LSM14A: variants seen among roughly 807,000 people sequenced by gnomAD.
LSM14A encodes protein LSM14 homolog A.
LSM14A carries 14 observed loss-of-function variants against 52.4 expected under a neutral mutation model. The ratio of observed to expected loss-of-function variants is 0.27; its 90% CI spans 0.18 to 0.42. The LOEUF is 0.42. LSM14A is among the 10% of genes least tolerant of loss of function. The pLI, the probability that LSM14A is intolerant of heterozygous loss-of-function variation, is 1.00. For missense variants in LSM14A, 417 were observed against 581.8 expected (o/e 0.72, Z 2.91); for synonymous variants, 185 against 200.3 (o/e 0.92, Z 0.64).
chr19:34,220,188 G>A (rs73595740), intron 8 of LSM14A, among the ~76,000 whole-genome samples: 4,917 of 152,034 alleles, frequency 0.032, 238 homozygotes, highest in African/African-American at 0.11. Context: ...CAGGCTAATC[G>A]TGAACTCCTG....
chr19:34,196,766 A>G lies in LSM14A; in HGVS notation c.415+3A>G. ...GCAGTTTGGTGCTGTTGGTGTTGGTATGTTTTCTTTTTCTTTTCTTTTTTT... is the reference window on the plus strand; with the variant it reads ...GCAGTTTGGTGCTGTTGGTGTTGGTGTGTTTTCTTTTTCTTTTCTTTTTTT... On this transcript the variant is annotated splice_donor_region_variant and intron_variant, in intron 3 of 9. Coordinates refer to ENST00000544216, the MANE Select transcript of LSM14A (RefSeq NM_015578.4). 1.3e-6 allele frequency: 2 copies of G among 1,592,056 alleles called. No homozygotes were observed. The highest frequency in any genetic ancestry group is 1.7e-6 in the Non-Finnish European group (2 of 1,174,518).
intron 4 of LSM14A, among the ~76,000 whole-genome samples, chr19:34,214,166 GT>G (rs1031356342): frequency 6.6e-6 from 1 of 151,714 alleles, no homozygotes; most frequent in East Asian, 1.9e-4. Flanking sequence ...TATCTGAAGG[GT>G]TTTTTTTGTT....
At chr19:34,186,676 C>T (rs1399334604) in intron 1 of LSM14A, among the ~76,000 whole-genome samples, 1 of 152,188 alleles carries the variant, frequency 6.6e-6, no homozygotes, top group Non-Finnish European at 1.5e-5. Context: ...GATCTGTGAA[C>T]TGAGAATAAT....
At chr19:34,223,956 C>T (rs1357445509) in intron 9 of LSM14A, among the ~76,000 whole-genome samples, 1 of 152,148 alleles carries the variant, frequency 6.6e-6, no homozygotes, top group Non-Finnish European at 1.5e-5. Context: ...AAACATAAAC[C>T]TCTTCTGCAG....
In LSM14A at chr19:34,215,383, C is replaced by T. The variant is rs1217368070; in HGVS notation, c.715+83C>T. The T allele has an allele frequency of 5.2e-5, 68 of 1,315,488 alleles. No homozygotes were observed. The South Asian group carries it at 9.1e-4, about 18-fold the overall frequency. 81.5% of individuals were successfully genotyped at this position (1,315,488 alleles called of 1,614,324 possible). ...TTATTTTCATTAGAAGGATTTACTT[C>T]ATGTGAATGATCCCAGAAAATTAAA... is the stretch of plus-strand genomic sequence containing the variant. On this transcript the variant is annotated intron_variant, in intron 5 of 9. Transcript: ENST00000544216.
At chr19:34,189,126 G>A (rs536290759) in intron 1 of LSM14A, among the ~76,000 whole-genome samples, 35 of 152,250 alleles carry the variant, frequency 2.3e-4, no homozygotes, top group African/African-American at 8.2e-4. Context: ...TTCTAAGCCT[G>A]CTGAATCACT....
chr19:34,226,475 CAA>C (rs1568505838), intron 9 of LSM14A: 1 of 1,386,354 alleles, frequency 7.2e-7, no homozygotes, highest in Admixed American at 2.6e-5. Flanking sequence ...GTAAAAAAAA[CAA>C]ATACTTTGGG....
intron 9 of LSM14A, among the ~76,000 whole-genome samples, chr19:34,224,671 T>C (rs565309955): frequency 5.3e-5 from 8 of 152,306 alleles, no homozygotes; most frequent in Non-Finnish European, 1.2e-4. Context: ...CCACTTGATA[T>C]ATTTGGCCTC....
chr19:34,189,648 A>G (rs1001126052), intron 1 of LSM14A, among the ~76,000 whole-genome samples: 1 of 152,182 alleles, frequency 6.6e-6, no homozygotes, highest in African/African-American at 2.4e-5. Context: ...TGATTAGAAC[A>G]TAGTTCAGAT....
intron 5 of LSM14A, 90 bp downstream of exon 5, chr19:34,215,390 A>T (rs1599713473): frequency 9.3e-6 from 12 of 1,293,332 alleles, no homozygotes; most frequent in Non-Finnish European, 1.3e-5. Context: ...CTTCATGTGA[A>T]TGATCCCAGA....
chr19:34,192,316 G>GTTTTTTTTTTGTTT (rs1306000214), intron 1 of LSM14A, among the ~76,000 whole-genome samples: 1 of 65,822 alleles, frequency 1.5e-5, no homozygotes, highest in South Asian at 4.4e-4. Context: ...CATTCTTTTT[G>GTTTTTTTTTTGTTT]TTGTTTTTTT....
chr19:34,198,034 T>G (rs2145679046), intron 3 of LSM14A, among the ~76,000 whole-genome samples: 1 of 151,490 alleles, frequency 6.6e-6, no homozygotes, highest in East Asian at 1.9e-4. Context: ...AAAAAATCGC[T>G]TCTCAGCCTT....
chr19:34,224,266 G>A lies in LSM14A; in HGVS notation c.1368+2528G>A, dbSNP rs550774841. On this transcript the variant is annotated intron_variant, in intron 9 of 9. Transcript: ENST00000544216. ...AGAATCATTGAACCTGGGAGGCAGA[G>A]GTTGCAGTGAGCCGAGATCACGCCA... Among the ~76,000 whole-genome samples the A allele has an allele frequency of 6.6e-5, 10 of 152,250 alleles. 1 individual carries two copies. The South Asian group carries it at 8.3e-4, about 13-fold the overall frequency.
intron 3 of LSM14A, among the ~76,000 whole-genome samples, chr19:34,199,129 T>G (rs906739613): frequency 6.6e-6 from 1 of 152,160 alleles, no homozygotes; most frequent in Non-Finnish European, 1.5e-5. Flanking sequence ...TATTTATTTA[T>G]TTATTTATTT....
intron 1 of LSM14A, among the ~76,000 whole-genome samples, chr19:34,194,040 G>A (rs2145639421): frequency 6.6e-6 from 1 of 152,220 alleles, no homozygotes; most frequent in East Asian, 1.9e-4. Flanking sequence ...GGGCTTAGTG[G>A]CACATGCCTG....
Position 34,226,373 on chromosome 19 carries a change from CTCTTT to C in LSM14A, c.1369-990_1369-986del. 1.2e-5 allele frequency: 16 copies of C among 1,282,698 alleles called. No individual in the cohort carries two copies. In the African/African-American group the frequency reaches 2.0e-4, roughly 16 times the overall value. The allele number at this position is 1,282,698 out of a possible 1,614,324, so 79.5% of individuals were successfully genotyped here. On this transcript the variant is annotated intron_variant, in intron 9 of 9. Coordinates refer to ENST00000544216, the MANE Select transcript of LSM14A (RefSeq NM_015578.4). ...CTCCCTCTCCTGTCCCCATCTCTTT[CTCTTT>C]TTTTTTTTTTTTTTTTTTTTACCTT...
chr19:34,221,343 A>G (rs1287942415), intron 8 of LSM14A, 164 bp from the exon 9 acceptor site: 1 of 770,718 alleles, frequency 1.3e-6, no homozygotes, highest in South Asian at 2.2e-5. Context: ...CGGCCTCCCA[A>G]AGTGCTGGGA....
chr19:34,223,868 A>G (rs115221741), intron 9 of LSM14A, among the ~76,000 whole-genome samples: 1,731 of 152,334 alleles, frequency 0.011, 33 homozygotes, highest in African/African-American at 0.04. Flanking sequence ...GAGTTGCACC[A>G]TTTATTCTGA....
chr19:34,188,534 T>G (rs1186780953), intron 1 of LSM14A, among the ~76,000 whole-genome samples: 2 of 152,208 alleles, frequency 1.3e-5, no homozygotes, highest in Non-Finnish European at 2.9e-5. Flanking sequence ...CACAGTGTTG[T>G]GCAACTACCA....
Sources: allele counts gnomAD v4.1 joint callset (sites outside exome capture counted in the v4.1 genomes callset), GRCh38; gene constraint gnomAD v4.1.1; transcripts MANE v1.5; gene names NCBI Gene and HGNC (gene_info 2026-07-23, HGNC 2026-07-21).